The following AKAP19 variants were observed in gnomAD, a reference collection of about 807,000 sequenced individuals.
AKAP19 encodes small A-kinase anchoring protein.
chr2:189,890,472 C>A, the AKAP19 span, among the ~76,000 whole-genome samples: 2 of 152,210 alleles, frequency 1.3e-5, no homozygotes, highest in East Asian at 3.9e-4. Context: ...CCTGAATATC[C>A]TTGTTAATTT....
the AKAP19 span, among the ~76,000 whole-genome samples, chr2:190,036,440 A>G: frequency 3.3e-5 from 5 of 152,224 alleles, no homozygotes; most frequent in Admixed American, 6.5e-5. Flanking sequence ...CTCTAAAGAA[A>G]TGCACCTTCT....
chr2:190,098,032 A>AC, the AKAP19 span, among the ~76,000 whole-genome samples: 1 of 151,938 alleles, frequency 6.6e-6, no homozygotes. Context: ...GAAGTCTTAA[A>AC]CCCCCCAAAG....
At chr2:190,137,672 TG>T in the AKAP19 span, 1 of 152,202 alleles carries the variant, frequency 6.6e-6, no homozygotes, top group Non-Finnish European at 1.5e-5. Flanking sequence ...GAGGGTGGCA[TG>T]TGTGTTATAA....
At chr2:189,923,218 A>G in the AKAP19 span, 1 of 1,007,868 alleles carries the variant, frequency 9.9e-7, no homozygotes, top group Non-Finnish European at 1.5e-6. Flanking sequence ...CGCGTTGCCG[A>G]CCTCCAGCAG....
At chr2:189,936,858 C>CT in the AKAP19 span, among the ~76,000 whole-genome samples, 1 of 152,182 alleles carries the variant, frequency 6.6e-6, no homozygotes, top group Non-Finnish European at 1.5e-5. Context: ...CGCACAATGC[C>CT]TAATGCCTGT....
At chr2:190,080,927 A>C in the AKAP19 span, among the ~76,000 whole-genome samples, 5 of 152,210 alleles carry the variant, frequency 3.3e-5, no homozygotes, top group East Asian at 9.6e-4. Context: ...ATGACAATCT[A>C]GCCTGGCTTC....
chr2:189,987,424 T>G, the AKAP19 span, among the ~76,000 whole-genome samples: 142,925 of 152,302 alleles, frequency 0.94, 67,099 homozygotes, highest in East Asian at 0.98. Flanking sequence ...CTACTAAGGT[T>G]TTTGGGGAAT....
the AKAP19 span, chr2:190,057,294 A>G: frequency 6.2e-7 from 1 of 1,613,430 alleles, no homozygotes; most frequent in Non-Finnish European, 8.5e-7. Context: ...CCATCGCTGG[A>G]ATTTTCCCAT....
the AKAP19 span, among the ~76,000 whole-genome samples, chr2:190,193,447 T>C: frequency 6.6e-6 from 1 of 152,090 alleles, no homozygotes; most frequent in Admixed American, 6.6e-5. Flanking sequence ...CTTTCCTCTT[T>C]CTCTCTTTTC....
At chr2:189,935,148 G>A in the AKAP19 span, among the ~76,000 whole-genome samples, 6 of 151,960 alleles carry the variant, frequency 3.9e-5, no homozygotes, top group African/African-American at 1.4e-4. Flanking sequence ...TTTTTTTAGT[G>A]TTTATACATC....
chr2:190,126,019 A>G, the AKAP19 span, among the ~76,000 whole-genome samples: 3 of 152,086 alleles, frequency 2.0e-5, no homozygotes, highest in Admixed American at 1.3e-4. Flanking sequence ...TAGGCTGGGC[A>G]CAGTGGCTCA....
At chr2:189,888,474 G>A in the AKAP19 span, among the ~76,000 whole-genome samples, 1 of 152,076 alleles carries the variant, frequency 6.6e-6, no homozygotes, top group African/African-American at 2.4e-5. Flanking sequence ...GTAAATCTGT[G>A]AAGAAACTCA....
the AKAP19 span, among the ~76,000 whole-genome samples, chr2:189,881,926 G>A: frequency 6.6e-6 from 1 of 152,084 alleles, no homozygotes; most frequent in East Asian, 1.9e-4. Flanking sequence ...AACTTGTTCT[G>A]ACTATTTGTA....
the AKAP19 span, among the ~76,000 whole-genome samples, chr2:189,892,709 G>A: frequency 1.3e-5 from 2 of 152,338 alleles, no homozygotes; most frequent in South Asian, 2.1e-4. Context: ...AGGCACAGGG[G>A]TCAGAGACCC....
the AKAP19 span, among the ~76,000 whole-genome samples, chr2:190,068,196 A>T: frequency 6.6e-6 from 1 of 152,136 alleles, no homozygotes; most frequent in Non-Finnish European, 1.5e-5. Flanking sequence ...ATGTTTCCTT[A>T]CTTGTCCTCT....
the AKAP19 span, among the ~76,000 whole-genome samples, chr2:190,163,126 A>T: frequency 6.6e-6 from 1 of 152,154 alleles, no homozygotes; most frequent in South Asian, 2.1e-4. Flanking sequence ...CATCCAGGAG[A>T]TATCAAGTCC....
chr2:190,172,264 G>C, the AKAP19 span, among the ~76,000 whole-genome samples: 1 of 152,072 alleles, frequency 6.6e-6, no homozygotes, highest in South Asian at 2.1e-4. Flanking sequence ...GCATTTTACA[G>C]TATTTTCTGT....
At chr2:189,973,444 T>G in the AKAP19 span, among the ~76,000 whole-genome samples, 4 of 152,158 alleles carry the variant, frequency 2.6e-5, no homozygotes, top group Non-Finnish European at 4.4e-5. Context: ...TCTAAAATTC[T>G]CTTTTTTGGT....
At chr2:190,086,613 G>A in the AKAP19 span, among the ~76,000 whole-genome samples, 1 of 152,114 alleles carries the variant, frequency 6.6e-6, no homozygotes, top group African/African-American at 2.4e-5. Flanking sequence ...TTTTAGCTAG[G>A]TGTTATTATT....
Sources: gnomAD v4.1 joint callset for allele counts (sites outside exome capture counted in the v4.1 genomes callset) on GRCh38, gnomAD v4.1.1 for gene constraint, MANE v1.5 for transcripts, NCBI Gene and HGNC (gene_info 2026-07-23, HGNC 2026-07-21) for gene names.